Variants in RABGAP1L observed in about 807,000 individuals in gnomAD.
RABGAP1L encodes RAB GTPase activating protein 1 like, also known as rab GTPase-activating protein 1-like.
A neutral mutation model predicts 137.7 loss-of-function variants in RABGAP1L; 63 were observed. The ratio of observed to expected loss-of-function variants is 0.46; its 90% confidence interval spans 0.37 to 0.56. The LOEUF (loss-of-function observed/expected upper bound fraction) is 0.56. Among genes scored for constraint, RABGAP1L ranks in the 20% least tolerant of loss-of-function variants. The pLI is 0.00. For synonymous variants in RABGAP1L, 431 were observed against 433.7 expected, an observed-to-expected ratio of 0.99 and a Z score of 0.08; for missense variants, 1,095 against 1,244.0, an observed-to-expected ratio of 0.88 and a Z score of 1.80.
At chr1:174,393,949 G>A in intron 12 of RABGAP1L, 46 bp from the exon 13 acceptor site, 1 of 1,592,976 alleles carries the variant, frequency 6.3e-7, no homozygotes, top group South Asian at 1.1e-5. Context: ...CAGCAGTTCA[G>A]GAGTTGTAAA....
chr1:174,333,223 T>C (rs1462429486), intron 11 of RABGAP1L, among the ~76,000 whole-genome samples: 2 of 152,076 alleles, frequency 1.3e-5, no homozygotes, highest in East Asian at 3.9e-4. Context: ...TACAGTTAGG[T>C]AAGAGGAATA....
chr1:174,780,717 C>G (rs1240854268), intron 18 of RABGAP1L, among the ~76,000 whole-genome samples: 1 of 114,884 alleles, frequency 8.7e-6, no homozygotes, highest in Non-Finnish European at 1.8e-5. Flanking sequence ...ATCCCTCCCC[C>G]CCACCCCCCC....
chr1:174,754,170 T>C (rs753539465), intron 18 of RABGAP1L, among the ~76,000 whole-genome samples: 1 of 152,198 alleles, frequency 6.6e-6, no homozygotes, highest in Non-Finnish European at 1.5e-5. Flanking sequence ...GGCACTCTTG[T>C]AGCATCATCT....
At chr1:174,473,536 C>T (rs1410495949) in intron 13 of RABGAP1L, among the ~76,000 whole-genome samples, 6 of 152,086 alleles carry the variant, frequency 3.9e-5, no homozygotes, top group Non-Finnish European at 8.8e-5. Context: ...ACGTGTGGCC[C>T]TTTCTTTCCT....
chr1:174,722,207 T>C (rs962260037), intron 17 of RABGAP1L, among the ~76,000 whole-genome samples: 1 of 152,148 alleles, frequency 6.6e-6, no homozygotes. Context: ...TGATTATAGG[T>C]GTGAGCCACC....
intron 11 of RABGAP1L, among the ~76,000 whole-genome samples, chr1:174,355,091 G>C (rs983915916): frequency 1.3e-5 from 2 of 152,092 alleles, no homozygotes; most frequent in Non-Finnish European, 2.9e-5. Context: ...AATACCATTT[G>C]ACCCAGCCAT....
Position 174,878,925 on chromosome 1 carries a change from G to GTTTT in RABGAP1L, c.2340+66987_2340+66990dup, listed in dbSNP as rs869251284. On this transcript the variant is annotated intron_variant, in intron 19 of 25. Transcript: ENST00000681986. ...AGAATTATGTAATTTTTTGTGCATT[G>GTTTT]TTTTTTTTTTTTTTTTTTTTTTTTT... 2.0e-3 allele frequency among the ~76,000 whole-genome samples: 174 copies of GTTTT among 85,140 alleles called. 3 individuals are homozygous for GTTTT. The highest frequency in any genetic ancestry group is 8.1e-3 in the Middle Eastern group (1 of 124). 55.9% of individuals were successfully genotyped at this position (85,140 alleles called of 152,430 possible). A position where few individuals can be genotyped will look rare whatever the true frequency, so the allele number is the denominator to read the frequency against.
intron 13 of RABGAP1L, among the ~76,000 whole-genome samples, chr1:174,447,143 G>A (rs1309677061): frequency 1.3e-5 from 2 of 152,112 alleles, no homozygotes; most frequent in Non-Finnish European, 2.9e-5. Context: ...ATTTTGAAAA[G>A]GAAGAGGTAT....
intron 13 of RABGAP1L, among the ~76,000 whole-genome samples, chr1:174,626,430 C>T (rs1394972505): frequency 6.6e-6 from 1 of 152,176 alleles, no homozygotes; most frequent in Non-Finnish European, 1.5e-5. Flanking sequence ...AAATACGCTT[C>T]GTCCTCTCCT....
At chr1:174,408,127 A>AAC (rs1303401526) in intron 13 of RABGAP1L, among the ~76,000 whole-genome samples, 1 of 152,162 alleles carries the variant, frequency 6.6e-6, no homozygotes, top group African/African-American at 2.4e-5. Flanking sequence ...ACCTGAATGT[A>AAC]TTGCATGATG....
intron 19 of RABGAP1L, among the ~76,000 whole-genome samples, chr1:174,917,764 C>G (rs1209222223): frequency 6.6e-6 from 1 of 152,042 alleles, no homozygotes; most frequent in Non-Finnish European, 1.5e-5. Flanking sequence ...AAAACCCCAT[C>G]TCTACTAAAA....
chr1:174,245,445 G>A (rs1221313443), intron 5 of RABGAP1L: 2 of 152,140 alleles, frequency 1.3e-5, no homozygotes, highest in African/African-American at 4.8e-5. Flanking sequence ...AAGATAATTC[G>A]AAGTTATCTT....
chr1:174,621,396 T>G (rs1235079748), intron 13 of RABGAP1L, among the ~76,000 whole-genome samples: 1 of 152,086 alleles, frequency 6.6e-6, no homozygotes, highest in African/African-American at 2.4e-5. Flanking sequence ...GCACTGCCAA[T>G]TCAATCCTAA....
intron 14 of RABGAP1L, among the ~76,000 whole-genome samples, chr1:174,650,434 G>A (rs896613326): frequency 5.9e-5 from 9 of 152,192 alleles, no homozygotes; most frequent in African/African-American, 2.2e-4. Context: ...TGTACCTCTG[G>A]TAGAATTCAG....
chr1:174,564,629 A>G (rs1015895578), intron 13 of RABGAP1L, among the ~76,000 whole-genome samples: 1 of 152,128 alleles, frequency 6.6e-6, no homozygotes, highest in Non-Finnish European at 1.5e-5. Flanking sequence ...ACTTGTTTGA[A>G]ACACCTCAGA....
chr1:174,965,825 C>T (rs1009605049), intron 20 of RABGAP1L, among the ~76,000 whole-genome samples: 3 of 152,214 alleles, frequency 2.0e-5, no homozygotes, highest in East Asian at 3.8e-4. Flanking sequence ...AGCCAGTAGG[C>T]GTGCCCTCTA....
chr1:174,856,327 G>A lies in RABGAP1L; in HGVS notation c.2340+44367G>A, dbSNP rs1350995705. ...AGAGAATTGCTTGAACACAGGAGGC[G>A]GAAGTTGCAGTGAACCAAGATCGTG... On this transcript the variant is annotated intron_variant, in intron 19 of 25. Coordinates refer to ENST00000681986, the MANE Select transcript of RABGAP1L (RefSeq NM_001366446.1). Among the ~76,000 whole-genome samples the A allele has an allele frequency of 5.9e-5, 9 of 151,498 alleles. No individual in the cohort carries two copies. The East Asian group carries it at 1.4e-3, about 23-fold the overall frequency.
chr1:174,458,565 A>G (rs190093504), intron 13 of RABGAP1L, among the ~76,000 whole-genome samples: 3 of 152,176 alleles, frequency 2.0e-5, no homozygotes, highest in East Asian at 1.9e-4. Context: ...TTTTTCAGCT[A>G]TATACCTGTC....
chr1:174,450,878 A>G (rs1458745565), intron 13 of RABGAP1L, among the ~76,000 whole-genome samples: 1 of 152,214 alleles, frequency 6.6e-6, no homozygotes, highest in Non-Finnish European at 1.5e-5. Context: ...TGACTCTTCA[A>G]ATTAGAAGCC....
Sources: allele counts gnomAD v4.1 joint callset (sites outside exome capture counted in the v4.1 genomes callset), GRCh38; gene constraint gnomAD v4.1.1; transcripts MANE v1.5; gene names NCBI Gene and HGNC (gene_info 2026-07-23, HGNC 2026-07-21).